The following PIP4K2A variants were observed in gnomAD, a reference collection of about 807,000 sequenced individuals.
PIP4K2A encodes phosphatidylinositol-5-phosphate 4-kinase type 2 alpha, also known as phosphatidylinositol 5-phosphate 4-kinase type-2 alpha.
Under a neutral mutation model 42.9 loss-of-function variants are expected in PIP4K2A, and 14 were observed. The ratio of observed to expected loss-of-function variants is 0.33; its 90% CI spans 0.22 to 0.51. PIP4K2A has a LOEUF of 0.51. Ranked by LOEUF, PIP4K2A falls within the 20% of genes least tolerant of loss-of-function variation. The pLI, the probability that PIP4K2A is intolerant of heterozygous loss-of-function variation, is 0.97. For synonymous variants in PIP4K2A, 192 were observed against 192.2 expected, an observed-to-expected ratio of 1.00 and a Z score of 0.01; for missense variants, 434 against 519.8, an observed-to-expected ratio of 0.83 and a Z score of 1.61.
Position 22,536,401 on chromosome 10 carries a change from T to C in PIP4K2A, c.*800A>G, listed in dbSNP as rs966342721. 2.2e-5 allele frequency: 7 copies of C among 312,312 alleles called. No individual in the cohort carries two copies. The highest frequency in any genetic ancestry group is 1.1e-4 in the African/African-American group (5 of 46,782). 19.3% of individuals were successfully genotyped at this position (312,312 alleles called of 1,614,324 possible). On this transcript the variant is annotated 3_prime_UTR_variant, in exon 10 of 10. Coordinates refer to ENST00000376573, the MANE Select transcript of PIP4K2A (RefSeq NM_005028.5). ...GAGAAGTAAGCAGTTTTCCTGGACA[T>C]ATTGGCCGAGGTGAAAAATGTATAG...
intron 1 of PIP4K2A, among the ~76,000 whole-genome samples, chr10:22,692,941 C>T (rs1308204612): frequency 6.6e-6 from 1 of 152,186 alleles, no homozygotes; most frequent in East Asian, 1.9e-4. Context: ...TGTTTACAGC[C>T]AGGCTGGGAG....
chr10:22,609,340 A>T (rs1244155942), intron 2 of PIP4K2A, among the ~76,000 whole-genome samples: 1 of 152,250 alleles, frequency 6.6e-6, no homozygotes, highest in Non-Finnish European at 1.5e-5. Context: ...TCAAAAATCC[A>T]AGCAATTTAC....
chr10:22,696,170 T>C (rs1029521532), intron 1 of PIP4K2A, among the ~76,000 whole-genome samples: 16 of 152,242 alleles, frequency 1.1e-4, no homozygotes, highest in African/African-American at 3.9e-4. Context: ...CCAACATGTG[T>C]AACAACTATA....
intron 1 of PIP4K2A, among the ~76,000 whole-genome samples, chr10:22,695,170 A>T (rs529767019): frequency 2.0e-5 from 3 of 152,360 alleles, no homozygotes; most frequent in South Asian, 4.1e-4. Flanking sequence ...TCCACTACAC[A>T]CTAATGATAA....
At chr10:22,559,541 C>T (rs531660783) in intron 6 of PIP4K2A, among the ~76,000 whole-genome samples, 8 of 152,284 alleles carry the variant, frequency 5.3e-5, no homozygotes, top group East Asian at 1.9e-4. Context: ...CTTTTTGTCA[C>T]GTGCCATGCT....
intron 4 of PIP4K2A, among the ~76,000 whole-genome samples, chr10:22,581,876 T>C (rs1002006929): frequency 3.3e-5 from 5 of 151,518 alleles, no homozygotes; most frequent in African/African-American, 1.2e-4. Context: ...CACTGGGAGG[T>C]TGAGGCAGGA....
intron 1 of PIP4K2A, among the ~76,000 whole-genome samples, chr10:22,688,178 T>A (rs569191129): frequency 5.1e-4 from 78 of 152,200 alleles, no homozygotes; most frequent in Middle Eastern, 6.8e-3. Flanking sequence ...GTGACAATAA[T>A]CTGAAATATT....
At chr10:22,639,831 C>A (rs1330376122) in intron 1 of PIP4K2A, among the ~76,000 whole-genome samples, 1 of 152,100 alleles carries the variant, frequency 6.6e-6, no homozygotes, top group African/African-American at 2.4e-5. Flanking sequence ...ATTAAAGTCA[C>A]ATAATGTCTT....
At chr10:22,545,304 C>G (rs182227285) in intron 7 of PIP4K2A, among the ~76,000 whole-genome samples, 1 of 152,230 alleles carries the variant, frequency 6.6e-6, no homozygotes, top group Non-Finnish European at 1.5e-5. Flanking sequence ...CCATTTAAGA[C>G]GATTACCTTA....
chr10:22,599,937 C>T (rs1396102298), intron 3 of PIP4K2A, among the ~76,000 whole-genome samples: 3 of 152,224 alleles, frequency 2.0e-5, no homozygotes, highest in Non-Finnish European at 4.4e-5. Context: ...ATTAACGATG[C>T]TGTCCTTTCC....
chr10:22,646,943 C>A (rs1006210200), intron 1 of PIP4K2A, among the ~76,000 whole-genome samples: 1 of 111,074 alleles, frequency 9.0e-6, no homozygotes, highest in South Asian at 2.9e-4. Flanking sequence ...AAAAACAAAA[C>A]AAAACAAAAC....
At chr10:22,619,977 C>G (rs1377827239) in intron 1 of PIP4K2A, among the ~76,000 whole-genome samples, 2 of 152,142 alleles carry the variant, frequency 1.3e-5, no homozygotes. Flanking sequence ...AACTCAAAAG[C>G]CTAAATTAAT....
intron 5 of PIP4K2A, among the ~76,000 whole-genome samples, chr10:22,568,695 G>A (rs1836907653): frequency 6.6e-6 from 1 of 152,124 alleles, no homozygotes; most frequent in Non-Finnish European, 1.5e-5. Flanking sequence ...AGGCTTTAGG[G>A]GTAGAGTCCA....
chr10:22,619,765 A>G (rs1288943320), intron 1 of PIP4K2A, among the ~76,000 whole-genome samples: 3 of 152,224 alleles, frequency 2.0e-5, no homozygotes, highest in African/African-American at 7.2e-5. Context: ...CCATTTCTCA[A>G]AAGTTGATGT....
At chr10:22,618,253 G>C (rs868746634) in intron 1 of PIP4K2A, among the ~76,000 whole-genome samples, 4 of 152,182 alleles carry the variant, frequency 2.6e-5, no homozygotes, top group Middle Eastern at 3.4e-3. Flanking sequence ...CCACTTACTG[G>C]ACTCATCCTA....
intron 1 of PIP4K2A, among the ~76,000 whole-genome samples, chr10:22,639,092 T>G (rs1838725502): frequency 6.6e-6 from 1 of 152,152 alleles, no homozygotes. Context: ...GGTCAAGATG[T>G]GGTGGTTAGG....
At chr10:22,664,079 A>ATGTATATATACATATATATATATACG (rs1839270500) in intron 1 of PIP4K2A, among the ~76,000 whole-genome samples, 1 of 80,144 alleles carries the variant, frequency 1.2e-5, no homozygotes, top group Non-Finnish European at 2.1e-5. Flanking sequence ...ATATATACGT[A>ATGTATATATACATATATATATATACG]TATATATATA....
intron 1 of PIP4K2A, among the ~76,000 whole-genome samples, chr10:22,619,668 C>G (rs1390970366): frequency 9.2e-5 from 14 of 152,096 alleles, no homozygotes; most frequent in Non-Finnish European, 1.5e-5. Flanking sequence ...AACTCCTGAC[C>G]TCAGGTGATC....
chr10:22,675,121 A>T (rs1839533147), intron 1 of PIP4K2A, among the ~76,000 whole-genome samples: 1 of 152,198 alleles, frequency 6.6e-6, no homozygotes, highest in African/African-American at 2.4e-5. Context: ...CTGGCCCTTC[A>T]TTCTTGTAAT....
Sources: allele counts gnomAD v4.1 joint callset (sites outside exome capture counted in the v4.1 genomes callset), GRCh38; gene constraint gnomAD v4.1.1; transcripts MANE v1.5; gene names NCBI Gene and HGNC (gene_info 2026-07-23, HGNC 2026-07-21).